Variants in DPP6 observed in about 807,000 individuals in gnomAD.
The protein encoded by DPP6 is A-type potassium channel modulatory protein DPP6.
Under a neutral mutation model 122.6 loss-of-function variants are expected in DPP6, and 69 were observed. The ratio of observed to expected loss-of-function variants is 0.56; its 90% CI spans 0.46 to 0.69. DPP6 has a LOEUF of 0.69. DPP6 is among the 30% of genes least tolerant of loss of function. The probability of loss-of-function intolerance (pLI) is 0.00; values close to 1 mark genes in which losing one functional copy is unlikely to be tolerated. For missense variants in DPP6, 928 were observed against 1,116.9 expected (o/e 0.83, Z 2.41); for synonymous variants, 418 against 433.1 (o/e 0.97, Z 0.43).
rs368091243 is a variant in DPP6, at chr7:154,507,220, T to G, written c.457+32183T>G. ...GAAGTTTTGAAGAAATGAACATTAGTGCAAGTAGACAATATTTAGAAAGCA... is the reference window on the plus strand; with the variant it reads ...GAAGTTTTGAAGAAATGAACATTAGGGCAAGTAGACAATATTTAGAAAGCA... On this transcript the variant is annotated intron_variant, in intron 3 of 25. Coordinates refer to ENST00000377770, the MANE Select transcript of DPP6 (RefSeq NM_130797.4). Among the ~76,000 whole-genome samples the G allele has an allele frequency of 3.3e-4, 51 of 152,288 alleles. 2 individuals are homozygous for G. The South Asian group carries it at 0.01, about 31-fold the overall frequency.
At chr7:154,616,407 C>T (rs1042968549) in intron 5 of DPP6, among the ~76,000 whole-genome samples, 2 of 152,148 alleles carry the variant, frequency 1.3e-5, no homozygotes, top group South Asian at 4.1e-4. Flanking sequence ...AAATTTTGAG[C>T]TTAAGGAAGT....
intron 3 of DPP6, among the ~76,000 whole-genome samples, chr7:154,517,789 C>T (rs760681996): frequency 6.6e-5 from 10 of 152,020 alleles, no homozygotes; most frequent in African/African-American, 1.5e-4. Context: ...AAAACAAAAA[C>T]GAGAAAAAAT....
At chr7:153,983,140 G>A (rs56171512) in intron 1 of DPP6, among the ~76,000 whole-genome samples, 1,593 of 152,320 alleles carry the variant, frequency 0.01, 21 homozygotes, top group Non-Finnish European at 0.014. Flanking sequence ...CTGAAGCTGC[G>A]CCCACAGCCG....
chr7:154,358,401 C>T (rs1384157271), intron 1 of DPP6, among the ~76,000 whole-genome samples: 11 of 152,290 alleles, frequency 7.2e-5, no homozygotes, highest in Non-Finnish European at 1.5e-4. Context: ...AATTTGTAAA[C>T]TGTGAACACT....
At chr7:154,826,473 C>T (rs549418558) in intron 16 of DPP6, among the ~76,000 whole-genome samples, 3 of 152,278 alleles carry the variant, frequency 2.0e-5, no homozygotes, top group African/African-American at 4.8e-5. Context: ...TATTATTTTA[C>T]GGACTCATGG....
chr7:154,736,114 G>T (rs1206417698), intron 8 of DPP6, among the ~76,000 whole-genome samples: 1 of 152,228 alleles, frequency 6.6e-6, no homozygotes, highest in African/African-American at 2.4e-5. Flanking sequence ...TCTTTCTGCT[G>T]TAACAACACA....
intron 16 of DPP6, among the ~76,000 whole-genome samples, chr7:154,818,816 A>C (rs902357541): frequency 6.6e-6 from 1 of 152,192 alleles, no homozygotes; most frequent in African/African-American, 2.4e-5. Flanking sequence ...ATTCCCTTTG[A>C]GGCTGCATGA....
chr7:154,319,631 G>T (rs1462832373), intron 1 of DPP6, among the ~76,000 whole-genome samples: 1 of 152,078 alleles, frequency 6.6e-6, no homozygotes, highest in Admixed American at 6.6e-5. Context: ...GGAGGCGGAG[G>T]TTGTAGTGAG....
At chr7:154,772,522 C>T (rs1192131596) in intron 9 of DPP6, among the ~76,000 whole-genome samples, 1 of 152,166 alleles carries the variant, frequency 6.6e-6, no homozygotes, top group Non-Finnish European at 1.5e-5. Context: ...GCATCCAATC[C>T]ATCTTTTCTC....
At chr7:154,868,299 C>G (rs2150626417) in intron 18 of DPP6, among the ~76,000 whole-genome samples, 1 of 152,266 alleles carries the variant, frequency 6.6e-6, no homozygotes, top group Non-Finnish European at 1.5e-5. Context: ...AAAAGCAGGG[C>G]ACAGGATCTC....
At chr7:154,028,585 T>C (rs1448497130) in intron 1 of DPP6, among the ~76,000 whole-genome samples, 2 of 151,862 alleles carry the variant, frequency 1.3e-5, no homozygotes, top group Admixed American at 1.3e-4. Context: ...CTTGCCCACA[T>C]CTTCTCATCT....
intron 3 of DPP6, among the ~76,000 whole-genome samples, chr7:154,505,819 AT>A (rs1298457872): frequency 1.3e-5 from 2 of 151,928 alleles, no homozygotes; most frequent in Non-Finnish European, 2.9e-5. Context: ...CTGTAACTAC[AT>A]TTTTTTACCC....
upstream of DPP6, among the ~76,000 whole-genome samples, chr7:154,051,093 C>T (rs1800283896): frequency 8.1e-6 from 1 of 123,252 alleles, no homozygotes; most frequent in South Asian, 2.5e-4. Flanking sequence ...AGCCTGCAGT[C>T]AGCCTTGTGA....
At chr7:153,822,599 A>G in the DPP6 span, among the ~76,000 whole-genome samples, 6 of 152,224 alleles carry the variant, frequency 3.9e-5, no homozygotes, top group African/African-American at 1.4e-4. Flanking sequence ...TTTCTTGTAC[A>G]CTGTGGAGAT....
intron 1 of DPP6, among the ~76,000 whole-genome samples, chr7:154,416,242 C>G (rs1227404093): frequency 6.6e-6 from 1 of 152,178 alleles, no homozygotes; most frequent in African/African-American, 2.4e-5. Flanking sequence ...CATCTTCTGA[C>G]AGCCAACCAT....
chr7:153,832,639 TAAGTC>T, the DPP6 span, among the ~76,000 whole-genome samples: 73 of 149,814 alleles, frequency 4.9e-4, 1 homozygote, highest in Non-Finnish European at 8.9e-5. Context: ...GATATATAAA[TAAGTC>T]AAGAATGCGT....
At chr7:154,569,811 C>T (rs1830998730) in intron 5 of DPP6, among the ~76,000 whole-genome samples, 1 of 151,708 alleles carries the variant, frequency 6.6e-6, no homozygotes, top group South Asian at 2.1e-4. Context: ...TCTTTGTTGC[C>T]TGCCCAAAGA....
chr7:153,797,007 G>C, the DPP6 span, among the ~76,000 whole-genome samples: 1 of 152,184 alleles, frequency 6.6e-6, no homozygotes, highest in African/African-American at 2.4e-5. Flanking sequence ...CGGCTGCCAT[G>C]TTGCAAGCTG....
At chr7:153,772,969 AAAG>A in the DPP6 span, among the ~76,000 whole-genome samples, 1 of 71,134 alleles carries the variant, frequency 1.4e-5, no homozygotes, top group Admixed American at 1.8e-4. Flanking sequence ...ATATAAAAGA[AAAG>A]ACTTATATAT....
Sources: gnomAD v4.1 joint callset for allele counts (sites outside exome capture counted in the v4.1 genomes callset) on GRCh38, gnomAD v4.1.1 for gene constraint, MANE v1.5 for transcripts, NCBI Gene and HGNC (gene_info 2026-07-23, HGNC 2026-07-21) for gene names.